Variants in RBFOX1 observed in about 807,000 individuals in gnomAD.
RBFOX1 encodes the protein RNA binding protein fox-1 homolog 1.
Under a neutral mutation model 57.7 loss-of-function variants are expected in RBFOX1, and 8 were observed. The ratio of observed to expected loss-of-function variants is 0.14; its 90% confidence interval spans 0.08 to 0.25. The LOEUF (loss-of-function observed/expected upper bound fraction) is 0.25. Ranked by LOEUF, RBFOX1 falls within the 10% of genes least tolerant of loss-of-function variation. RBFOX1 has a pLI of 1.00. For missense variants in RBFOX1, 611 were observed against 548.5 expected (o/e 1.11, Z -1.14); for synonymous variants, 326 against 222.4 (o/e 1.47, Z -4.15).
chr16:7,213,081 C>T (rs1019213649), intron 4 of RBFOX1, among the ~76,000 whole-genome samples: 6 of 152,086 alleles, frequency 3.9e-5, no homozygotes, highest in African/African-American at 1.4e-4. Flanking sequence ...AATAGGTTGC[C>T]AAGACTTTAC....
intron 1 of RBFOX1, among the ~76,000 whole-genome samples, chr16:6,081,970 C>T (rs191363869): frequency 1.3e-5 from 2 of 152,240 alleles, no homozygotes; most frequent in African/African-American, 4.8e-5. Flanking sequence ...ATTATAGTCA[C>T]ATGGTGTGTG....
intron 2 of RBFOX1, among the ~76,000 whole-genome samples, chr16:6,645,417 G>C (rs755269333): frequency 6.6e-6 from 1 of 152,070 alleles, no homozygotes; most frequent in Admixed American, 6.6e-5. Context: ...ACATTTTCTC[G>C]GGAATCTTTA....
At chr16:5,857,393 A>T (rs752344658) in intron 3 of RBFOX1, among the ~76,000 whole-genome samples, 1 of 152,210 alleles carries the variant, frequency 6.6e-6, no homozygotes, top group Non-Finnish European at 1.5e-5. Flanking sequence ...CCACAGAGAC[A>T]TGAGGTATAC....
At chr16:6,942,732 C>T (rs1000501957) in intron 3 of RBFOX1, among the ~76,000 whole-genome samples, 7 of 152,152 alleles carry the variant, frequency 4.6e-5, no homozygotes, top group Non-Finnish European at 8.8e-5. Flanking sequence ...CATTTAGAGA[C>T]TCTCTTGAGA....
At chr16:7,269,576 C>G (rs779848251) in intron 4 of RBFOX1, among the ~76,000 whole-genome samples, 2 of 151,990 alleles carry the variant, frequency 1.3e-5, no homozygotes, top group Non-Finnish European at 2.9e-5. Context: ...GAACATTTTA[C>G]CATGCCATGA....
intron 3 of RBFOX1, among the ~76,000 whole-genome samples, chr16:6,990,884 G>T (rs1170001809): frequency 1.3e-5 from 2 of 151,946 alleles, no homozygotes; most frequent in African/African-American, 4.8e-5. Context: ...ATAAGATAAG[G>T]CTGTCATTTT....
chr16:5,879,181 T>A (rs1388343401), intron 4 of RBFOX1, among the ~76,000 whole-genome samples: 1 of 152,158 alleles, frequency 6.6e-6, no homozygotes, highest in Non-Finnish European at 1.5e-5. Flanking sequence ...ATGTGAGTGG[T>A]TTTAGCTAAT....
At chr16:6,789,418 C>G (rs1161772935) in intron 3 of RBFOX1, among the ~76,000 whole-genome samples, 1 of 152,052 alleles carries the variant, frequency 6.6e-6, no homozygotes, top group Non-Finnish European at 1.5e-5. Context: ...ATTTTTAAGA[C>G]AAAGAAAGTG....
At chr16:6,110,639 T>A (rs2096435253) in intron 1 of RBFOX1, among the ~76,000 whole-genome samples, 2 of 152,170 alleles carry the variant, frequency 1.3e-5, no homozygotes, top group African/African-American at 4.8e-5. Context: ...TGAAGGACAC[T>A]CCACGAGTGG....
At chr16:7,646,893 A>G (rs980138451) in intron 11 of RBFOX1, among the ~76,000 whole-genome samples, 4 of 151,976 alleles carry the variant, frequency 2.6e-5, no homozygotes, top group African/African-American at 7.3e-5. Flanking sequence ...GAGAAGACAC[A>G]CTCATCACTG....
chr16:7,523,045 C>T (rs1377331661), intron 5 of RBFOX1, among the ~76,000 whole-genome samples: 1 of 152,154 alleles, frequency 6.6e-6, no homozygotes, highest in Non-Finnish European at 1.5e-5. Flanking sequence ...TTTGCTATAG[C>T]TTAATTTGCA....
At chr16:7,627,807 T>C (rs2060307647) in intron 10 of RBFOX1, among the ~76,000 whole-genome samples, 1 of 152,162 alleles carries the variant, frequency 6.6e-6, no homozygotes, top group Non-Finnish European at 1.5e-5. Context: ...GAACATACAG[T>C]AAGTACTTTC....
At chr16:7,468,020 C>T (rs1256753974) in intron 4 of RBFOX1, among the ~76,000 whole-genome samples, 3 of 152,202 alleles carry the variant, frequency 2.0e-5, no homozygotes, top group Non-Finnish European at 2.9e-5. Flanking sequence ...AGGAAAATGC[C>T]TAATTCCGAC....
intron 1 of RBFOX1, among the ~76,000 whole-genome samples, chr16:5,444,094 G>GACTTTAATA (rs369069952): frequency 1.3e-5 from 2 of 151,726 alleles, no homozygotes; most frequent in Non-Finnish European, 2.9e-5. Flanking sequence ...TATTGGCAAA[G>GACTTTAATA]GTGACACTGA....
intron 4 of RBFOX1, among the ~76,000 whole-genome samples, chr16:7,430,464 A>G: frequency 6.6e-6 from 1 of 152,164 alleles, no homozygotes; most frequent in Non-Finnish European, 1.5e-5. Context: ...AATCAAGACC[A>G]TCCTGGCTAA....
chr16:7,111,185 C>G (rs900171700), intron 4 of RBFOX1, among the ~76,000 whole-genome samples: 1 of 152,092 alleles, frequency 6.6e-6, no homozygotes, highest in African/African-American at 2.4e-5. Flanking sequence ...TTCTGCAATG[C>G]TCAGTATTAA....
intron 4 of RBFOX1, among the ~76,000 whole-genome samples, chr16:5,911,060 G>T (rs2058591139): frequency 6.6e-6 from 1 of 152,104 alleles, no homozygotes; most frequent in South Asian, 2.1e-4. Context: ...CTTGTGCTTG[G>T]ATCTTTGACT....
intron 3 of RBFOX1, among the ~76,000 whole-genome samples, chr16:6,837,111 G>A (rs1467668296): frequency 6.6e-6 from 1 of 152,208 alleles, no homozygotes; most frequent in Non-Finnish European, 1.5e-5. Context: ...AGTACTGAGA[G>A]TTCCCTTGTT....
In RBFOX1 at chr16:7,712,718, T is replaced by C. The variant is rs1200928011; in HGVS notation, c.*1973T>C. On this transcript the variant is annotated 3_prime_UTR_variant, in exon 16 of 16. Transcript: ENST00000550418. ...AAACAGTGTTATGGCAATGGGTGCC[T>C]GGTTGATGTTCTTAAAGGAAACGAA... 2 of 152,194 alleles carry C rather than the reference T, an allele frequency of 1.3e-5. No individual in the cohort carries two copies. Among genetic ancestry groups the C allele is most frequent in the Non-Finnish European group, 2.9e-5 (2 of 68,044 alleles). 9.4% of individuals were successfully genotyped at this position (152,194 alleles called of 1,614,324 possible).
Sources: allele counts gnomAD v4.1 joint callset (sites outside exome capture counted in the v4.1 genomes callset), GRCh38; gene constraint gnomAD v4.1.1; transcripts MANE v1.5; gene names NCBI Gene and HGNC (gene_info 2026-07-23, HGNC 2026-07-21).